The following DAPK1 variants were observed in gnomAD, a reference collection of about 807,000 sequenced individuals.
DAPK1 encodes the protein death associated protein kinase 1, also known as death-associated protein kinase 1.
Under a neutral mutation model 144.9 loss-of-function variants are expected in DAPK1, and 56 were observed. The ratio of observed to expected loss-of-function variants is 0.39; its 90% CI spans 0.31 to 0.48. The LOEUF is 0.48. DAPK1 is among the 20% of genes least tolerant of loss of function. The probability of loss-of-function intolerance (pLI) is 0.95; values close to 1 mark genes in which losing one functional copy is unlikely to be tolerated. For missense variants in DAPK1, 1,454 were observed against 1,875.4 expected (o/e 0.78, Z 4.15); for synonymous variants, 690 against 749.0 (o/e 0.92, Z 1.29).
chr9:87,672,707 G>A (rs142961914), intron 19 of DAPK1, among the ~76,000 whole-genome samples: 49 of 152,300 alleles, frequency 3.2e-4, no homozygotes, highest in African/African-American at 8.9e-4. Flanking sequence ...TGCTAATTGC[G>A]GTCTTTCTTC....
chr9:87,577,567 G>C (rs1827609254), intron 2 of DAPK1, among the ~76,000 whole-genome samples: 1 of 152,192 alleles, frequency 6.6e-6, no homozygotes, highest in Non-Finnish European at 1.5e-5. Flanking sequence ...GGAGGCCAAG[G>C]ATGGTGGATC....
chr9:87,560,148 G>A (rs374078140), intron 2 of DAPK1, among the ~76,000 whole-genome samples: 34 of 142,440 alleles, frequency 2.4e-4, no homozygotes, highest in East Asian at 2.1e-3. Context: ...ATGCCACCAC[G>A]CCTGGCTAAT....
intron 2 of DAPK1, among the ~76,000 whole-genome samples, chr9:87,568,462 G>T (rs9314764): frequency 1.5e-3 from 229 of 152,316 alleles, no homozygotes; most frequent in African/African-American, 4.5e-3. Context: ...AAAGAGTTTT[G>T]TTGAAGCAAT....
intron 2 of DAPK1, among the ~76,000 whole-genome samples, chr9:87,544,816 A>C (rs1253348964): frequency 6.6e-6 from 1 of 152,164 alleles, no homozygotes; most frequent in Non-Finnish European, 1.5e-5. Flanking sequence ...GAGTACCCAA[A>C]ATGCAGGAAG....
chr9:87,518,806 G>T (rs895586473), intron 2 of DAPK1, among the ~76,000 whole-genome samples: 1 of 151,948 alleles, frequency 6.6e-6, no homozygotes, highest in Non-Finnish European at 1.5e-5. Context: ...GAAGAGTCTG[G>T]CCCGCGCCCA....
chr9:87,625,594 G>A (rs1336015242), intron 3 of DAPK1, among the ~76,000 whole-genome samples: 1 of 152,150 alleles, frequency 6.6e-6, no homozygotes, highest in Non-Finnish European at 1.5e-5. Context: ...TCTTGGGTAG[G>A]CACAGTAGTG....
At position 87,681,648 on chromosome 9, in the gene DAPK1, C is replaced by T. The variant is rs760819383; in HGVS notation, c.2224+22C>T. The stretch of plus-strand genomic sequence containing the variant: ...ACAGGTAGGAACCTCCATGCTGGCC[C>T]CGTCTCTCCAGCAGGTGTTGGCTTC... On this transcript the variant is annotated intron_variant, in intron 20 of 25. Transcript: ENST00000408954. The T allele has an allele frequency of 3.3e-6, 4 of 1,221,224 alleles. 1 individual carries two copies. The South Asian group carries it at 4.8e-5, about 15-fold the overall frequency. 75.6% of individuals were successfully genotyped at this position (1,221,224 alleles called of 1,614,324 possible).
At chr9:87,520,013 A>G (rs1825236708) in intron 2 of DAPK1, among the ~76,000 whole-genome samples, 1 of 151,942 alleles carries the variant, frequency 6.6e-6, no homozygotes, top group Admixed American at 6.6e-5. Flanking sequence ...TAATAAAGAT[A>G]AGGAAACAAA....
rs1831154462 is a variant in DAPK1 at position 87,668,836 on chromosome 9, GC to G, written c.2001+163del. The stretch of plus-strand genomic sequence containing the variant: ...GGTTTACATGTCAGTCGGTATAAAT[GC>G]ATCAGCTCCCTATCTGTTTTCTTCT... On this transcript the variant is annotated intron_variant, in intron 19 of 25. Transcript: ENST00000408954. 8 of 627,130 alleles carry G rather than the reference GC, an allele frequency of 1.3e-5. No individual in the cohort carries two copies. In the South Asian group the frequency reaches 1.5e-4, roughly 12 times the overall value. The allele number at this position is 627,130 out of a possible 1,614,324, so 38.8% of individuals were successfully genotyped here.
intron 2 of DAPK1, among the ~76,000 whole-genome samples, chr9:87,598,138 T>A (rs1392372980): frequency 2.6e-5 from 4 of 152,168 alleles, no homozygotes; most frequent in African/African-American, 7.2e-5. Flanking sequence ...AACCTGTAAT[T>A]CTAATATTCT....
At chr9:87,631,329 C>CTA (rs1782326655) in intron 3 of DAPK1, among the ~76,000 whole-genome samples, 1 of 152,168 alleles carries the variant, frequency 6.6e-6, no homozygotes, top group South Asian at 2.1e-4. Flanking sequence ...TGGAATCTTG[C>CTA]AATACCTTCT....
chr9:87,686,199 G>A lies in DAPK1; in HGVS notation c.2225-352G>A, dbSNP rs1363249273. On this transcript the variant is annotated intron_variant, in intron 20 of 25. Coordinates refer to ENST00000408954, the MANE Select transcript of DAPK1 (RefSeq NM_004938.4). The surrounding 1 kb of genome is among the most constrained non-coding windows in gnomAD (Gnocchi z 4.2). ...CAGCAAAGTAGCAGGAAGTGAGAAG[G>A]GAAGAAACCCGACCTCTGCCCTCCC... Among the ~76,000 whole-genome samples the A allele has an allele frequency of 1.3e-5, 2 of 152,134 alleles. No homozygotes were observed. Among genetic ancestry groups the A allele is most frequent in the Non-Finnish European group, 2.9e-5 (2 of 68,022 alleles).
chr9:87,556,297 T>C (rs2118610194), intron 2 of DAPK1, among the ~76,000 whole-genome samples: 2 of 152,290 alleles, frequency 1.3e-5, no homozygotes, highest in South Asian at 4.1e-4. Context: ...GTTGATTTTA[T>C]GGAGGAGGAA....
intron 2 of DAPK1, among the ~76,000 whole-genome samples, chr9:87,554,689 G>T (rs574181752): frequency 6.6e-6 from 1 of 152,288 alleles, no homozygotes; most frequent in South Asian, 2.1e-4. Flanking sequence ...GGAGATCGCT[G>T]ATCTCCATGG....
intron 2 of DAPK1, among the ~76,000 whole-genome samples, chr9:87,602,780 C>G (rs540808401): frequency 6.6e-6 from 1 of 152,048 alleles, no homozygotes; most frequent in African/African-American, 2.4e-5. Context: ...ATTACAGGCA[C>G]GCGCCACCAC....
chr9:87,609,331 G>A (rs988739364), intron 3 of DAPK1, among the ~76,000 whole-genome samples: 5 of 152,180 alleles, frequency 3.3e-5, no homozygotes, highest in African/African-American at 1.2e-4. Flanking sequence ...CATATGATGC[G>A]TAGGATGCAT....
At chr9:87,589,720 A>ATTAGCCATTCCTCTTTGGCTGTC (rs1828059897) in intron 2 of DAPK1, among the ~76,000 whole-genome samples, 1 of 152,194 alleles carries the variant, frequency 6.6e-6, no homozygotes, top group Non-Finnish European at 1.5e-5. Flanking sequence ...CAGTGAGTAT[A>ATTAGCCATTCCTCTTTGGCTGTC]TTAGCCATTC....
chr9:87,602,004 C>G (rs1828539655), intron 2 of DAPK1, among the ~76,000 whole-genome samples: 1 of 152,082 alleles, frequency 6.6e-6, no homozygotes, highest in Non-Finnish European at 1.5e-5. Flanking sequence ...GCCCTTTGTC[C>G]CCCAGGCATT....
chr9:87,635,146 G>A (rs1217379692), intron 3 of DAPK1, among the ~76,000 whole-genome samples: 2 of 151,980 alleles, frequency 1.3e-5, no homozygotes, highest in African/African-American at 4.8e-5. Context: ...TCCTGGGTCT[G>A]AAGAAAGCTT....
Sources: allele counts gnomAD v4.1 joint callset (sites outside exome capture counted in the v4.1 genomes callset), GRCh38; gene constraint gnomAD v4.1.1; non-coding constraint Gnocchi (gnomAD v3.1); transcripts MANE v1.5; gene names NCBI Gene and HGNC (gene_info 2026-07-23, HGNC 2026-07-21).